Variants in FLNB observed in about 807,000 individuals in gnomAD.
FLNB encodes filamin-B.
FLNB carries 111 observed loss-of-function variants against 250.6 expected under a neutral mutation model. That is an observed-to-expected ratio of 0.44 (90% confidence interval 0.38 to 0.52). The LOEUF (loss-of-function observed/expected upper bound fraction) is 0.52. Ranked by LOEUF, FLNB falls within the 20% of genes least tolerant of loss-of-function variation. FLNB has a pLI of 0.00. For missense variants in FLNB, 2,869 were observed against 3,447.8 expected (o/e 0.83, Z 4.20); for synonymous variants, 1,302 against 1,372.1 (o/e 0.95, Z 1.13).
At chr3:58,120,512 G>C (rs999589157) in intron 19 of FLNB, among the ~76,000 whole-genome samples, 1 of 152,176 alleles carries the variant, frequency 6.6e-6, no homozygotes, top group African/African-American at 2.4e-5. Flanking sequence ...TCCTTTCCCT[G>C]TTCTTGTCTA....
At chr3:58,163,356 G>A in intron 43 of FLNB, 26 bp downstream of exon 43, 1 of 1,612,324 alleles carries the variant, frequency 6.2e-7, no homozygotes, top group Non-Finnish European at 8.5e-7. Context: ...GCTTCTTGAA[G>A]CCTTAACTGA....
Position 58,082,492 on chromosome 3 carries a change from C to T in FLNB, c.787+716C>T, listed in dbSNP as rs977777901. Among the ~76,000 whole-genome samples, 11 of 151,918 alleles carry T rather than the reference C, an allele frequency of 7.2e-5. No homozygotes were observed. The East Asian group carries it at 7.7e-4, about 11-fold the overall frequency. On this transcript the variant is annotated intron_variant, in intron 4 of 45. Transcript: ENST00000295956. ...TTTTCATAATTAAGAAAATATCGGCCGGGTGTGATGGTTCATGCCTATAAT... is the reference window on the plus strand; with the variant it reads ...TTTTCATAATTAAGAAAATATCGGCTGGGTGTGATGGTTCATGCCTATAAT...
At chr3:58,060,066 G>C (rs1467240128) in intron 1 of FLNB, among the ~76,000 whole-genome samples, 2 of 152,226 alleles carry the variant, frequency 1.3e-5, no homozygotes, top group Non-Finnish European at 2.9e-5. Context: ...AAGGATTCAG[G>C]GGGGTAACTG....
intron 1 of FLNB, among the ~76,000 whole-genome samples, chr3:58,076,567 A>G (rs1356253258): frequency 1.3e-5 from 2 of 151,054 alleles, no homozygotes; most frequent in African/African-American, 2.4e-5. Context: ...CGATCCTCCA[A>G]CCTCAGTCTC....
chr3:58,084,564 A>AT (rs11440460), intron 4 of FLNB, among the ~76,000 whole-genome samples: 67,912 of 150,072 alleles, frequency 0.45, 17,305 homozygotes, highest in East Asian at 0.97. Context: ...TTAAAAAAAA[A>AT]TTTTTTTTTA....
intron 12 of FLNB, among the ~76,000 whole-genome samples, 182 bp from the exon 13 acceptor site, chr3:58,108,276 T>C (rs998622451): frequency 8.5e-5 from 13 of 152,190 alleles, no homozygotes; most frequent in Non-Finnish European, 1.9e-4. Flanking sequence ...GGGAGAGACA[T>C]TTGTTTTTAA....
At position 58,172,061 on chromosome 3, in the gene FLNB, C is replaced by G. The variant is rs185620199; in HGVS notation, c.*1299C>G. 1 of 152,680 alleles carries G rather than the reference C, an allele frequency of 6.5e-6. No individual in the cohort carries two copies. The highest frequency in any genetic ancestry group is 2.4e-5 in the African/African-American group (1 of 41,518). The allele number at this position is 152,680 out of a possible 1,614,324, so 9.5% of individuals were successfully genotyped here. Reference sequence around the variant, plus strand: ...GCTTAGTCCTGAGGAAGTGGCCACTCTTGTGGCAGGTGTAGTATCTGGGGC... The same window carrying G: ...GCTTAGTCCTGAGGAAGTGGCCACTGTTGTGGCAGGTGTAGTATCTGGGGC... On this transcript the variant is annotated 3_prime_UTR_variant, in exon 46 of 46. Transcript: ENST00000295956.
rs539998416 is a variant in FLNB at position 58,157,862 on chromosome 3, A to G, written c.6889-1692A>G. On this transcript the variant is annotated intron_variant, in intron 41 of 45. Coordinates refer to ENST00000295956, the MANE Select transcript of FLNB (RefSeq NM_001457.4). Reference sequence around the variant, plus strand: ...GTCATAGCTGGGTCATAAATGTTTCAGTAAGTGCACAGCAGGCTGTTTCTT... The same window carrying G: ...GTCATAGCTGGGTCATAAATGTTTCGGTAAGTGCACAGCAGGCTGTTTCTT... Among the ~76,000 whole-genome samples the G allele has an allele frequency of 3.3e-5, 5 of 152,368 alleles. No homozygotes were observed. The East Asian group carries it at 9.6e-4, about 29-fold the overall frequency.
chr3:58,168,367 T>TCAC, intron 43 of FLNB, 73 bp from the exon 44 acceptor site: 1 of 1,154,586 alleles, frequency 8.7e-7, no homozygotes, highest in Non-Finnish European at 1.3e-6. Context: ...TGTGTGTCCC[T>TCAC]CACCACGGCC....
At chr3:58,066,203 T>G (rs2097185392) in intron 1 of FLNB, among the ~76,000 whole-genome samples, 1 of 146,128 alleles carries the variant, frequency 6.8e-6, no homozygotes, top group Non-Finnish European at 1.5e-5. Context: ...TTAAGTTTTC[T>G]TTTTTCTTTT....
At chr3:58,150,554 C>T in intron 38 of FLNB, 1 of 376,074 alleles carries the variant, frequency 2.7e-6, no homozygotes. Flanking sequence ...AAAGAACTGG[C>T]CCTGCCGATG....
intron 18 of FLNB, among the ~76,000 whole-genome samples, chr3:58,118,581 T>C (rs1330148004): frequency 1.3e-5 from 2 of 152,236 alleles, no homozygotes; most frequent in Non-Finnish European, 2.9e-5. Context: ...TAGGACTGTT[T>C]TGATCTTGAA....
Position 58,146,803 on chromosome 3 carries a change from C to G in FLNB, c.5555-17C>G. ...ACTCTCTCCCTAACACCCCTGCATC[C>G]CTGTTCCCACTTGTAGGTGGTCTGG... On this transcript the variant is annotated splice_polypyrimidine_tract_variant and intron_variant, in intron 33 of 45. Transcript: ENST00000295956. 1 of 1,614,068 alleles carries G rather than the reference C, an allele frequency of 6.2e-7. No individual in the cohort carries two copies. The highest frequency in any genetic ancestry group is 8.5e-7 in the Non-Finnish European group (1 of 1,179,928).
At chr3:58,141,512 T>G (rs887280890) in intron 29 of FLNB, among the ~76,000 whole-genome samples, 4 of 152,170 alleles carry the variant, frequency 2.6e-5, no homozygotes, top group African/African-American at 9.7e-5. Flanking sequence ...CAGAATTTAT[T>G]TGACCAAATC....
In FLNB at chr3:58,125,813, T is replaced by C. The variant is rs558661292; in HGVS notation, c.4061+70T>C. The C allele has an allele frequency of 5.0e-4, 710 of 1,422,998 alleles. 12 individuals carry two copies. In the South Asian group the frequency reaches 8.0e-3, roughly 16 times the overall value. 88.1% of individuals were successfully genotyped at this position (1,422,998 alleles called of 1,614,324 possible). A position where few individuals can be genotyped will look rare whatever the true frequency, so the allele number is the denominator to read the frequency against. On this transcript the variant is annotated intron_variant, in intron 23 of 45. Transcript: ENST00000295956. ...GCTAGATTCTACCTATGTGTCATGG[T>C]TTCCTAACTTTTGATAAGATGAATT...
intron 1 of FLNB, among the ~76,000 whole-genome samples, chr3:58,033,293 T>G (rs2097133508): frequency 6.6e-6 from 1 of 152,188 alleles, no homozygotes; most frequent in African/African-American, 2.4e-5. Context: ...TCTCCATGTC[T>G]TCCACACCCA....
At chr3:58,130,684 C>T in intron 24 of FLNB, 57 bp from the exon 25 acceptor site, 1 of 1,573,810 alleles carries the variant, frequency 6.4e-7, no homozygotes, top group Non-Finnish European at 8.7e-7. Flanking sequence ...TCTGGGTGTG[C>T]ACAAGGTGGT....
At chr3:58,107,425 A>G (rs983996231) in intron 12 of FLNB, among the ~76,000 whole-genome samples, 3 of 152,148 alleles carry the variant, frequency 2.0e-5, no homozygotes, top group Admixed American at 1.3e-4. Context: ...CTTCCTCTAT[A>G]AGACAGGAAT....
intron 4 of FLNB, among the ~76,000 whole-genome samples, chr3:58,094,035 T>C (rs1342654800): frequency 6.6e-6 from 1 of 152,206 alleles, no homozygotes; most frequent in Non-Finnish European, 1.5e-5. Flanking sequence ...TCTATTTTGA[T>C]TGTATCAACG....
Sources: gnomAD v4.1 joint callset for allele counts (sites outside exome capture counted in the v4.1 genomes callset) on GRCh38, gnomAD v4.1.1 for gene constraint, MANE v1.5 for transcripts, NCBI Gene and HGNC (gene_info 2026-07-23, HGNC 2026-07-21) for gene names.